The following ACSL1 variants were observed in gnomAD, a reference collection of about 807,000 sequenced individuals.
ACSL1 encodes long-chain-fatty-acid--CoA ligase 1.
ACSL1 carries 41 observed loss-of-function variants against 98.4 expected under a neutral mutation model. That is an observed-to-expected ratio of 0.42 (90% CI 0.32 to 0.54). The LOEUF is 0.54. Among genes scored for constraint, ACSL1 ranks in the 20% least tolerant of loss-of-function variants. ACSL1 has a pLI of 0.13. For synonymous variants in ACSL1, 316 were observed against 322.7 expected (o/e 0.98, Z 0.22); for missense variants, 734 against 883.1 (o/e 0.83, Z 2.14).
intron 1 of ACSL1, among the ~76,000 whole-genome samples, chr4:184,811,631 A>C (rs925664287): frequency 2.0e-5 from 3 of 151,972 alleles, no homozygotes; most frequent in African/African-American, 7.3e-5. Flanking sequence ...AGCAGCAGAG[A>C]GGTTACTGGG....
chr4:184,791,111 G>A (rs1768274256), intron 2 of ACSL1, among the ~76,000 whole-genome samples: 1 of 152,240 alleles, frequency 6.6e-6, no homozygotes, highest in African/African-American at 2.4e-5. Context: ...TCCTCACGAT[G>A]CTCTGCTTAC....
rs368186463 is a variant in ACSL1 at position 184,813,308 on chromosome 4, C to T, written c.-32-9762G>A. Among the ~76,000 whole-genome samples, 23 of 152,232 alleles carry T rather than the reference C, an allele frequency of 1.5e-4. 2 individuals are homozygous for T. The highest frequency in any genetic ancestry group is 5.5e-4 in the African/African-American group (23 of 41,554). ...ATACTGATTGAATAAGGCTAAGCAACTGTTGTAGATATGTCACAATGAGGC... is the reference window on the plus strand; with the variant it reads ...ATACTGATTGAATAAGGCTAAGCAATTGTTGTAGATATGTCACAATGAGGC... On this transcript the variant is annotated intron_variant, in intron 1 of 20. Transcript: ENST00000281455.
chr4:184,809,042 A>C (rs967660811), intron 1 of ACSL1, among the ~76,000 whole-genome samples: 2 of 152,208 alleles, frequency 1.3e-5, no homozygotes, highest in African/African-American at 4.8e-5. Flanking sequence ...TTTCTTCCCA[A>C]TTAAGTATAA....
intron 7 of ACSL1, 29 bp downstream of exon 7, chr4:184,776,455 C>T (rs765964794): frequency 2.5e-6 from 4 of 1,599,184 alleles, no homozygotes; most frequent in East Asian, 2.2e-5. Flanking sequence ...GGAAAGCCTT[C>T]AGAGAAGGGA....
rs544995106 is a variant in ACSL1, at chr4:184,785,465, C to A, written c.311-1474G>T. On this transcript the variant is annotated intron_variant, in intron 3 of 20. Coordinates refer to ENST00000281455, the MANE Select transcript of ACSL1 (RefSeq NM_001995.5). ...AGTTTTAAAGTACTAGGTTTAAAAA[C>A]TCTAGGCGGGCTGCTTCTATCATTC... 3.3e-5 allele frequency among the ~76,000 whole-genome samples: 5 copies of A among 152,208 alleles called. No homozygotes were observed. In the South Asian group the frequency reaches 1.0e-3, roughly 32 times the overall value.
At chr4:184,784,325 G>T (rs1354842802) in intron 3 of ACSL1, among the ~76,000 whole-genome samples, 1 of 152,214 alleles carries the variant, frequency 6.6e-6, no homozygotes, top group Admixed American at 6.5e-5. Flanking sequence ...GTGGTAAAGA[G>T]AACCTGCTGT....
At chr4:184,826,129 G>GCC (rs1773479157), upstream of ACSL1, 1 of 134,212 alleles carries the variant, frequency 7.5e-6, no homozygotes, top group Admixed American at 7.4e-5. Context: ...CGCAGGCCCC[G>GCC]CCCCCGGCAG....
intron 17 of ACSL1, among the ~76,000 whole-genome samples, chr4:184,762,052 G>T (rs1356386888): frequency 6.6e-6 from 1 of 151,646 alleles, no homozygotes; most frequent in Non-Finnish European, 1.5e-5. Context: ...ACTTGAACCC[G>T]AGAGGTGGAG....
intron 1 of ACSL1, chr4:184,808,505 C>T (rs1427991580): frequency 6.1e-6 from 6 of 985,316 alleles, no homozygotes; most frequent in African/African-American, 1.7e-5. Flanking sequence ...CTTTCCTTAA[C>T]GCAGCAACCC....
In ACSL1 at chr4:184,764,964, C is replaced by A. The variant is rs1763368272; in HGVS notation, c.1360-39G>T. On this transcript the variant is annotated intron_variant, in intron 14 of 20. Transcript: ENST00000281455. ...AGATGCAACATTATTAAGGAGAGCA[C>A]AATCACACCTTTACTGGAAGTGCAC... is the stretch of plus-strand genomic sequence containing the variant. 1.9e-6 allele frequency: 3 copies of A among 1,589,272 alleles called. No individual in the cohort carries two copies. The South Asian group carries it at 3.4e-5, about 18-fold the overall frequency.
chr4:184,824,429 AT>A (rs900410345), intron 1 of ACSL1, among the ~76,000 whole-genome samples: 2 of 151,512 alleles, frequency 1.3e-5, no homozygotes, highest in Non-Finnish European at 2.9e-5. Flanking sequence ...TGTCTGGGTA[AT>A]TTTTTTTTAA....
Position 184,780,445 on chromosome 4 carries a change from A to G in ACSL1, c.376-12T>C, listed in dbSNP as rs375205757. ...GACAATTCTGCAACCTAAAATGGAGAGGAAAAAGTCAGAAGCAGCATTGGG... is the reference window on the plus strand; with the variant it reads ...GACAATTCTGCAACCTAAAATGGAGGGGAAAAAGTCAGAAGCAGCATTGGG... On this transcript the variant is annotated splice_polypyrimidine_tract_variant and intron_variant, in intron 4 of 20. Coordinates refer to ENST00000281455, the MANE Select transcript of ACSL1 (RefSeq NM_001995.5). 3 of 1,607,354 alleles carry G rather than the reference A, an allele frequency of 1.9e-6. No individual in the cohort carries two copies. Among genetic ancestry groups the G allele is most frequent in the South Asian group, 1.1e-5 (1 of 90,738 alleles).
chr4:184,796,400 C>T (rs189334661), intron 2 of ACSL1, among the ~76,000 whole-genome samples: 2 of 152,316 alleles, frequency 1.3e-5, no homozygotes, highest in African/African-American at 2.4e-5. Flanking sequence ...CACCCCACTG[C>T]CCCAACTGCC....
chr4:184,796,484 G>C (rs2150409334), intron 2 of ACSL1, among the ~76,000 whole-genome samples: 1 of 152,312 alleles, frequency 6.6e-6, no homozygotes, highest in East Asian at 1.9e-4. Flanking sequence ...CGTCAGCAAA[G>C]TTGCTAGGGG....
At chr4:184,815,431 C>T (rs2150490323) in intron 1 of ACSL1, among the ~76,000 whole-genome samples, 1 of 152,194 alleles carries the variant, frequency 6.6e-6, no homozygotes, top group Non-Finnish European at 1.5e-5. Context: ...GGAGGCTCGC[C>T]CTCACCCAGT....
At position 184,803,460 on chromosome 4, in the gene ACSL1, G is replaced by A. The variant is rs1388538673; in HGVS notation, c.55C>T (p.Arg19Ter). The change falls in exon 2 of 21, where the codon CGA becomes TGA. Residue 19 changes from arginine (R) to a stop codon, truncating the protein, a stop_gained. Coordinates refer to ENST00000281455, the MANE Select transcript of ACSL1 (RefSeq NM_001995.5). LOFTEE classifies it high-confidence loss of function. The surrounding 1 kb of genome is among the most constrained non-coding windows in gnomAD (Gnocchi z 4.8). ...YFRMPELVDF[R>*]QYVRTLPTNT... ...GTCGGAAGAGTACGCACGTACTGTC[G>A]GAAGTCAACCAGCTCTGGCATTCGA... 4 of 1,612,058 alleles carry A rather than the reference G, an allele frequency of 2.5e-6. No individual in the cohort carries two copies. Among genetic ancestry groups the A allele is most frequent in the South Asian group, 1.1e-5 (1 of 90,898 alleles).
rs544782682 is a variant in ACSL1, at chr4:184,767,956, G to A, written c.1128+360C>T. On this transcript the variant is annotated intron_variant, in intron 12 of 20. Coordinates refer to ENST00000281455, the MANE Select transcript of ACSL1 (RefSeq NM_001995.5). ...ACCATTTCATAGTTACTATTCTTAC[G>A]TGATCCCATTAGCAACTTTTGGAGA... 2.8e-4 allele frequency: 104 copies of A among 370,946 alleles called. No individual in the cohort carries two copies. In the South Asian group the frequency reaches 7.6e-3, roughly 27 times the overall value. 23.0% of individuals were successfully genotyped at this position (370,946 alleles called of 1,614,324 possible).
rs781288850 is a variant in ACSL1 at position 184,766,792 on chromosome 4, A to G, written c.1129-36T>C. 1 of 1,594,412 alleles carries G rather than the reference A, an allele frequency of 6.3e-7. No individual in the cohort carries two copies. The highest frequency in any genetic ancestry group is 8.6e-7 in the Non-Finnish European group (1 of 1,165,400). Reference sequence around the variant, plus strand: ...AAGACATGAGAAAGTTTTCACACCTACTAGGATGGCCAGAGTCAAAGAGTG... The same window carrying G: ...AAGACATGAGAAAGTTTTCACACCTGCTAGGATGGCCAGAGTCAAAGAGTG... On this transcript the variant is annotated intron_variant, in intron 12 of 20. Transcript: ENST00000281455. This position sits in a 1 kb window ranked among gnomAD's most constrained non-coding sequence, Gnocchi z 4.8.
intron 2 of ACSL1, among the ~76,000 whole-genome samples, chr4:184,793,337 A>T (rs1417894010): frequency 6.6e-6 from 1 of 152,210 alleles, no homozygotes; most frequent in Non-Finnish European, 1.5e-5. Flanking sequence ...AACAAGTTCA[A>T]GTCCCCCTTG....
Sources: allele counts gnomAD v4.1 joint callset (sites outside exome capture counted in the v4.1 genomes callset), GRCh38; gene constraint gnomAD v4.1.1; non-coding constraint Gnocchi (gnomAD v3.1); transcripts MANE v1.5; gene names NCBI Gene and HGNC (gene_info 2026-07-23, HGNC 2026-07-21).